Variants in WASF2 observed in about 807,000 individuals in gnomAD.
The protein encoded by WASF2 is WASP family member 2.
In WASF2, 14 loss-of-function variants were observed where a neutral mutation model predicts 45.0. The observed-to-expected ratio is 0.31, with a 90% CI of 0.21 to 0.49. The LOEUF is 0.49. WASF2 is among the 20% of genes least tolerant of loss of function. The pLI is 0.99. For synonymous variants in WASF2, 200 were observed against 236.3 expected (o/e 0.85, Z 1.41); for missense variants, 439 against 636.1 (o/e 0.69, Z 3.33).
chr1:27,475,036 AG>A (rs527858083), intron 1 of WASF2, among the ~76,000 whole-genome samples: 4 of 152,156 alleles, frequency 2.6e-5, no homozygotes, highest in Non-Finnish European at 4.4e-5. Flanking sequence ...CCACTTTGGG[AG>A]GCTGAGGCAG....
chr1:27,462,160 T>A (rs1240029168), intron 1 of WASF2, among the ~76,000 whole-genome samples: 1 of 151,190 alleles, frequency 6.6e-6, no homozygotes, highest in Non-Finnish European at 1.5e-5. Context: ...GTATTTTTAA[T>A]AGAGATGGGG....
intron 1 of WASF2, among the ~76,000 whole-genome samples, chr1:27,481,051 A>G (rs2017841225): frequency 6.7e-6 from 1 of 149,524 alleles, no homozygotes; most frequent in African/African-American, 2.5e-5. Flanking sequence ...AAACAAAAAC[A>G]AAAAAACAAA....
chr1:27,415,973 C>A lies in WASF2; in HGVS notation c.537+12G>T. On this transcript the variant is annotated intron_variant, in intron 5 of 8. Transcript: ENST00000618852. ...CTACTGATGTGGAGAACAGAGGCCC[C>A]TTTCCCCTCACCCTATGCTTTCTCT... 6 of 1,609,440 alleles carry A rather than the reference C, an allele frequency of 3.7e-6. No individual in the cohort carries two copies. Among genetic ancestry groups the A allele is most frequent in the Non-Finnish European group, 5.1e-6 (6 of 1,175,866 alleles).
intron 2 of WASF2, among the ~76,000 whole-genome samples, chr1:27,421,815 CA>C (rs1187066008): frequency 1.7e-4 from 24 of 138,794 alleles, no homozygotes; most frequent in East Asian, 2.1e-4. Flanking sequence ...GACTCCATCT[CA>C]AAAAAAAAAA....
At chr1:27,441,131 G>A (rs2017221767) in intron 1 of WASF2, among the ~76,000 whole-genome samples, 1 of 152,084 alleles carries the variant, frequency 6.6e-6, no homozygotes, top group Non-Finnish European at 1.5e-5. Context: ...GCCTCCCAAT[G>A]TGCTGGGATT....
chr1:27,428,985 C>A, intron 1 of WASF2, 52 bp from the exon 2 acceptor site: 18 of 1,273,898 alleles, frequency 1.4e-5, no homozygotes, highest in East Asian at 2.6e-5. Flanking sequence ...TCCAGGCACA[C>A]TAGGGCTGTG....
intron 1 of WASF2, among the ~76,000 whole-genome samples, chr1:27,467,668 T>G (rs1050778176): frequency 6.6e-6 from 1 of 151,308 alleles, no homozygotes; most frequent in African/African-American, 2.4e-5. Context: ...ATCCCAGCAC[T>G]TTAGGAGGCC....
At chr1:27,486,223 T>G (rs918264669) in intron 1 of WASF2, among the ~76,000 whole-genome samples, 12 of 152,196 alleles carry the variant, frequency 7.9e-5, no homozygotes, top group Non-Finnish European at 1.3e-4. Context: ...ATTTAAAAAG[T>G]GCTGCCCTGA....
chr1:27,406,854 G>A lies in WASF2; in HGVS notation c.*1335C>T, dbSNP rs1027995196. ...GGTACTGGCATGGCTGCCAGCCTGA[G>A]GGACTGAAGTTTCCACAGTTGGCAG... is the stretch of plus-strand genomic sequence containing the variant. On this transcript the variant is annotated 3_prime_UTR_variant, in exon 9 of 9. Transcript: ENST00000618852. 6.6e-6 allele frequency: 1 copy of A among 152,218 alleles called. No individual in the cohort carries two copies. Among genetic ancestry groups the A allele is most frequent in the Non-Finnish European group, 1.5e-5 (1 of 68,050 alleles). 9.4% of individuals were successfully genotyped at this position (152,218 alleles called of 1,614,324 possible).
chr1:27,455,469 T>C (rs2017454674), intron 1 of WASF2, among the ~76,000 whole-genome samples: 1 of 152,120 alleles, frequency 6.6e-6, no homozygotes. Context: ...GGGTTAGGGA[T>C]GTGAGAAGGG....
At position 27,405,586 on chromosome 1, in the gene WASF2, G is replaced by A. The variant is rs1302051379; in HGVS notation, c.*2603C>T. On this transcript the variant is annotated 3_prime_UTR_variant, in exon 9 of 9. Transcript: ENST00000618852. ...TCCTTTATCATCTTAAAGGGCTCTG[G>A]GTCTAAAGAAGCCTTTTTTTTTTTT... The A allele has an allele frequency of 1.4e-5, 2 of 139,310 alleles. No homozygotes were observed. The highest frequency in any genetic ancestry group is 2.7e-5 in the African/African-American group (1 of 37,704). The allele number at this position is 139,310 out of a possible 1,614,324, so 8.6% of individuals were successfully genotyped here.
intron 1 of WASF2, among the ~76,000 whole-genome samples, chr1:27,429,498 G>A (rs1238803791): frequency 1.3e-5 from 2 of 152,168 alleles, no homozygotes; most frequent in Non-Finnish European, 2.9e-5. Context: ...CCACTAGGCC[G>A]GGCATGGTGG....
At chr1:27,419,195 T>G in intron 2 of WASF2, 107 bp from the exon 3 acceptor site, 1 of 1,209,480 alleles carries the variant, frequency 8.3e-7, no homozygotes, top group Non-Finnish European at 1.2e-6. Flanking sequence ...CACATACATA[T>G]ACACACACAT....
intron 1 of WASF2, among the ~76,000 whole-genome samples, chr1:27,471,350 A>G (rs1036768832): frequency 1.3e-4 from 19 of 150,840 alleles, no homozygotes; most frequent in African/African-American, 4.6e-4. Flanking sequence ...GTCTCAAAAA[A>G]AAAAAAAAAA....
intron 1 of WASF2, among the ~76,000 whole-genome samples, chr1:27,467,656 T>C (rs1285003045): frequency 1.6e-4 from 24 of 149,682 alleles, no homozygotes. Flanking sequence ...CTCACACGTG[T>C]AATCCCAGCA....
At chr1:27,408,454 G>A in intron 8 of WASF2, 108 bp from the exon 9 acceptor site, 2 of 1,413,246 alleles carry the variant, frequency 1.4e-6, no homozygotes, top group Non-Finnish European at 1.9e-6. Context: ...GTATTGGAAA[G>A]GATAGAGAAA....
intron 1 of WASF2, among the ~76,000 whole-genome samples, chr1:27,473,942 A>T (rs984908121): frequency 2.0e-5 from 3 of 152,178 alleles, no homozygotes; most frequent in Middle Eastern, 3.2e-3. Flanking sequence ...TCAGACTGGG[A>T]CCATTTAGAG....
intron 1 of WASF2, among the ~76,000 whole-genome samples, chr1:27,438,251 A>T (rs2017163425): frequency 6.6e-6 from 1 of 152,232 alleles, no homozygotes; most frequent in Non-Finnish European, 1.5e-5. Context: ...GCTAGACTGC[A>T]ACCTTTCTTT....
At chr1:27,487,916 T>G (rs1255828496) in intron 1 of WASF2, among the ~76,000 whole-genome samples, 1 of 150,832 alleles carries the variant, frequency 6.6e-6, no homozygotes, top group Admixed American at 6.7e-5. Flanking sequence ...CTCAGAGGGT[T>G]TAAGATTTAA....
Sources: allele counts gnomAD v4.1 joint callset (sites outside exome capture counted in the v4.1 genomes callset), GRCh38; gene constraint gnomAD v4.1.1; transcripts MANE v1.5; gene names NCBI Gene and HGNC (gene_info 2026-07-23, HGNC 2026-07-21).